The following MPZL1 variants were observed in gnomAD, a reference collection of about 807,000 sequenced individuals.
MPZL1 encodes the protein myelin protein zero like 1.
MPZL1 carries 16 observed loss-of-function variants against 29.3 expected under a neutral mutation model. That is an observed-to-expected ratio of 0.55 (90% CI 0.37 to 0.83). The LOEUF (loss-of-function observed/expected upper bound fraction) is 0.83. MPZL1 is among the 40% of genes least tolerant of loss of function. MPZL1 has a pLI of 0.00. For missense variants in MPZL1, 279 were observed against 332.9 expected (o/e 0.84, Z 1.26); for synonymous variants, 143 against 132.0 (o/e 1.08, Z -0.57).
At chr1:167,747,303 C>T (rs544848039) in intron 1 of MPZL1, among the ~76,000 whole-genome samples, 2 of 152,270 alleles carry the variant, frequency 1.3e-5, no homozygotes, top group East Asian at 3.9e-4. Flanking sequence ...TCACAGCAGC[C>T]TCAACTATCC....
At chr1:167,772,200 C>A in intron 2 of MPZL1, 75 bp from the exon 3 acceptor site, 3 of 1,187,164 alleles carry the variant, frequency 2.5e-6, no homozygotes, top group Admixed American at 4.3e-5. Context: ...AAGAACCTTT[C>A]ATAGCATGCA....
chr1:167,787,630 C>T (rs965066601), intron 5 of MPZL1, among the ~76,000 whole-genome samples, 190 bp from the exon 6 acceptor site: 4 of 152,202 alleles, frequency 2.6e-5, no homozygotes, highest in Admixed American at 6.5e-5. Context: ...CTATTGTCAA[C>T]GTATGTCCAA....
chr1:167,787,419 A>G (rs888249238), intron 5 of MPZL1, among the ~76,000 whole-genome samples: 2 of 152,178 alleles, frequency 1.3e-5, no homozygotes, highest in African/African-American at 2.4e-5. Flanking sequence ...TCTGAAGCTC[A>G]TGATTTCTGT....
chr1:167,725,547 G>A (rs1366196446), intron 1 of MPZL1, among the ~76,000 whole-genome samples: 8 of 152,124 alleles, frequency 5.3e-5, no homozygotes, highest in East Asian at 1.9e-4. Context: ...GTGCAGTAGC[G>A]TGATCTCGGC....
At chr1:167,783,862 C>G (rs1661540593) in intron 5 of MPZL1, among the ~76,000 whole-genome samples, 1 of 151,566 alleles carries the variant, frequency 6.6e-6, no homozygotes, top group Non-Finnish European at 1.5e-5. Flanking sequence ...GGAATAAATA[C>G]TAAAAAAAAA....
Position 167,722,045 on chromosome 1 carries a change from G to T in MPZL1, c.-107G>T. ...GCGCGGCGTGGAGGTGCCACCCGGC[G>T]CGGGTGGCGGAGAGATCAGAAGCCT... On this transcript the variant is annotated 5_prime_UTR_variant, in exon 1 of 6. Coordinates refer to ENST00000359523, the MANE Select transcript of MPZL1 (RefSeq NM_003953.6). The T allele has an allele frequency of 8.2e-7, 1 of 1,219,146 alleles. No homozygotes were observed. The highest frequency in any genetic ancestry group is 1.0e-6 in the Non-Finnish European group (1 of 977,018). 75.5% of individuals were successfully genotyped at this position (1,219,146 alleles called of 1,614,324 possible).
At chr1:167,775,982 C>T in intron 4 of MPZL1, 82 bp from the exon 5 acceptor site, 1 of 867,844 alleles carries the variant, frequency 1.2e-6, no homozygotes, top group Non-Finnish European at 1.7e-6. Flanking sequence ...ATCTTGCCGT[C>T]AGTTGCATTT....
At chr1:167,739,308 T>TAC (rs374786249) in intron 1 of MPZL1, among the ~76,000 whole-genome samples, 20 of 77,938 alleles carry the variant, frequency 2.6e-4, no homozygotes, top group East Asian at 6.0e-4. Context: ...TATATATATA[T>TAC]ACACATATAT....
intron 5 of MPZL1, among the ~76,000 whole-genome samples, chr1:167,779,495 G>T (rs969252529): frequency 6.6e-6 from 1 of 151,604 alleles, no homozygotes; most frequent in African/African-American, 2.4e-5. Context: ...CAAGACAGGA[G>T]AATTGCTTAA....
intron 5 of MPZL1, among the ~76,000 whole-genome samples, chr1:167,785,457 A>G (rs1340477901): frequency 6.6e-6 from 1 of 152,230 alleles, no homozygotes; most frequent in Non-Finnish European, 1.5e-5. Flanking sequence ...CTGCTGCCTC[A>G]TTCTGTTAGT....
chr1:167,746,428 C>T (rs892865323), intron 1 of MPZL1, among the ~76,000 whole-genome samples: 2 of 152,076 alleles, frequency 1.3e-5, no homozygotes, highest in South Asian at 4.1e-4. Flanking sequence ...AAGCAGCTCT[C>T]CCTCCCTGTT....
intron 1 of MPZL1, among the ~76,000 whole-genome samples, chr1:167,726,730 G>A (rs1408076372): frequency 6.6e-6 from 1 of 152,100 alleles, no homozygotes; most frequent in African/African-American, 2.4e-5. Context: ...TCCAACTCCA[G>A]GATATCCACT....
At chr1:167,723,986 A>C (rs1034671135) in intron 1 of MPZL1, among the ~76,000 whole-genome samples, 13 of 152,150 alleles carry the variant, frequency 8.5e-5, no homozygotes, top group African/African-American at 3.1e-4. Context: ...GTTAGGTCTC[A>C]CTGTGTTGCC....
In MPZL1 at chr1:167,739,282, C is replaced by CATATATATAT. The variant is rs71959233; in HGVS notation, c.91+17058_91+17067dup. Among the ~76,000 whole-genome samples, 809 of 90,300 alleles carry CATATATATAT rather than the reference C, an allele frequency of 9.0e-3. 11 individuals are homozygous for CATATATATAT. The highest frequency in any genetic ancestry group is 0.038 in the African/African-American group (598 of 15,764). The allele number at this position is 90,300 out of a possible 152,430, so 59.2% of individuals were successfully genotyped here. ...ATACACATACATATATACATATATA[C>CATATATATAT]ATATATATATATATATATATATATA... On this transcript the variant is annotated intron_variant, in intron 1 of 5. Transcript: ENST00000359523.
chr1:167,743,820 G>T lies in MPZL1; in HGVS notation c.91+21578G>T, dbSNP rs1412740432. Reference sequence around the variant, plus strand: ...GGAGCTTTCTGGAGGAGTCTTTAGGGTTTTCTAGGTAAACAGTCTTATCAT... The same window carrying T: ...GGAGCTTTCTGGAGGAGTCTTTAGGTTTTTCTAGGTAAACAGTCTTATCAT... On this transcript the variant is annotated intron_variant, in intron 1 of 5. Transcript: ENST00000359523. Among the ~76,000 whole-genome samples, 3 of 152,040 alleles carry T rather than the reference G, an allele frequency of 2.0e-5. No homozygotes were observed. The South Asian group carries it at 6.2e-4, about 32-fold the overall frequency.
intron 1 of MPZL1, among the ~76,000 whole-genome samples, chr1:167,730,267 T>C (rs1273754718): frequency 6.6e-6 from 1 of 152,134 alleles, no homozygotes; most frequent in African/African-American, 2.4e-5. Flanking sequence ...GTTCTTTTTT[T>C]TTTCTTTTTC....
intron 4 of MPZL1, chr1:167,773,658 A>G (rs1176113199): frequency 1.3e-5 from 3 of 231,166 alleles, no homozygotes; most frequent in East Asian, 9.0e-5. Context: ...CCACTATGCA[A>G]TTAGTATTCT....
chr1:167,759,526 G>A (rs1660937113), intron 1 of MPZL1, among the ~76,000 whole-genome samples: 3 of 152,306 alleles, frequency 2.0e-5, no homozygotes, highest in East Asian at 3.9e-4. Context: ...CCACACAGGA[G>A]AACACTTCTG....
chr1:167,728,321 G>A (rs1407266283), intron 1 of MPZL1, among the ~76,000 whole-genome samples: 2 of 149,598 alleles, frequency 1.3e-5, no homozygotes, highest in Admixed American at 6.7e-5. Flanking sequence ...GAGCCACCGT[G>A]CCCTGCCCAA....
Sources: gnomAD v4.1 joint callset for allele counts (sites outside exome capture counted in the v4.1 genomes callset) on GRCh38, gnomAD v4.1.1 for gene constraint, MANE v1.5 for transcripts, NCBI Gene and HGNC (gene_info 2026-07-23, HGNC 2026-07-21) for gene names.